Variants in DPP10 observed in about 807,000 individuals in gnomAD.
DPP10 encodes the protein dipeptidyl peptidase like 10, also known as inactive dipeptidyl peptidase 10.
Under a neutral mutation model 120.9 loss-of-function variants are expected in DPP10, and 33 were observed. The ratio of observed to expected loss-of-function variants is 0.27; its 90% confidence interval spans 0.21 to 0.37. The LOEUF (loss-of-function observed/expected upper bound fraction) is 0.37, where lower values mean the gene tolerates loss of function less well. Ranked by LOEUF, DPP10 falls within the 10% of genes least tolerant of loss-of-function variation. The pLI is 1.00. For missense variants in DPP10, 816 were observed against 942.8 expected, an observed-to-expected ratio of 0.87 and a Z score of 1.76; for synonymous variants, 337 against 326.1, an observed-to-expected ratio of 1.03 and a Z score of -0.36.
intron 5 of DPP10, among the ~76,000 whole-genome samples, chr2:115,666,484 T>C (rs542287027): frequency 1.3e-3 from 194 of 152,106 alleles, no homozygotes; most frequent in African/African-American, 4.2e-3. Context: ...CCTTAACACC[T>C]GGGGAATTGC....
At chr2:115,089,488 C>T (rs750428377) in intron 1 of DPP10, among the ~76,000 whole-genome samples, 20 of 152,136 alleles carry the variant, frequency 1.3e-4, no homozygotes, top group Non-Finnish European at 2.2e-4. Flanking sequence ...ACTGAAGTCC[C>T]TTTCTCACTA....
chr2:115,407,613 C>T (rs1182772969), intron 3 of DPP10, among the ~76,000 whole-genome samples: 2 of 151,946 alleles, frequency 1.3e-5, no homozygotes, highest in Non-Finnish European at 2.9e-5. Flanking sequence ...GTGAGGACAG[C>T]TCAAAAACCC....
intron 7 of DPP10, among the ~76,000 whole-genome samples, chr2:115,723,165 C>T (rs984588595): frequency 1.3e-5 from 2 of 152,144 alleles, no homozygotes; most frequent in African/African-American, 2.4e-5. Flanking sequence ...CTAACCACCC[C>T]CAGTAATAAA....
At chr2:114,507,895 A>G (rs1358350371) in intron 1 of DPP10, among the ~76,000 whole-genome samples, 4 of 152,272 alleles carry the variant, frequency 2.6e-5, no homozygotes, top group Non-Finnish European at 4.4e-5. Flanking sequence ...TGTTTTTATT[A>G]GTGGTAATCA....
At chr2:115,532,344 T>G (rs963270535) in intron 5 of DPP10, among the ~76,000 whole-genome samples, 1 of 152,020 alleles carries the variant, frequency 6.6e-6, no homozygotes, top group Admixed American at 6.6e-5. Context: ...GGGAGTGAAT[T>G]TTTTTTCTTA....
At chr2:115,746,035 A>C in intron 9 of DPP10, 51 bp from the exon 10 acceptor site, 2 of 1,315,622 alleles carry the variant, frequency 1.5e-6, no homozygotes, top group Non-Finnish European at 2.1e-6. Context: ...TTTTTACCCA[A>C]TATATTCTAA....
At chr2:115,499,425 G>A (rs1037960145) in intron 3 of DPP10, 85 bp from the exon 4 acceptor site, 20 of 1,070,746 alleles carry the variant, frequency 1.9e-5, no homozygotes, top group Admixed American at 6.6e-5. Flanking sequence ...TAATGTGTCT[G>A]TTTATTTTGC....
rs146930779 is a variant in DPP10, at chr2:115,078,814, A to ATAATT, written c.61-230422_61-230421insTTTAA. Among the ~76,000 whole-genome samples the ATAATT allele has an allele frequency of 4.5e-4, 68 of 151,836 alleles. 1 individual carries two copies. Among genetic ancestry groups the ATAATT allele is most frequent in the African/African-American group, 1.0e-3 (42 of 41,354 alleles). ...TTAAAGACATATTTAAGTATCACAGATAAATTACTCAAGTTATCAGTTAAA... is the reference window on the plus strand; with the variant it reads ...TTAAAGACATATTTAAGTATCACAGATAATTTAAATTACTCAAGTTATCAGTTAAA... On this transcript the variant is annotated intron_variant, in intron 1 of 25. Coordinates refer to ENST00000410059, the MANE Select transcript of DPP10 (RefSeq NM_020868.6).
chr2:115,053,828 T>C (rs1705693680), intron 1 of DPP10, among the ~76,000 whole-genome samples: 1 of 152,208 alleles, frequency 6.6e-6, no homozygotes, highest in Non-Finnish European at 1.5e-5. Flanking sequence ...TAGAGTCTAG[T>C]ACAGTACATT....
intron 1 of DPP10, among the ~76,000 whole-genome samples, chr2:114,648,655 G>A (rs1044216003): frequency 1.3e-4 from 20 of 152,156 alleles, no homozygotes; most frequent in African/African-American, 4.6e-4. Context: ...GGATTCAGTC[G>A]TTGTATCTAA....
intron 1 of DPP10, among the ~76,000 whole-genome samples, chr2:114,717,091 C>G (rs749976383): frequency 1.8e-4 from 27 of 152,158 alleles, no homozygotes; most frequent in Non-Finnish European, 4.0e-4. Context: ...ATTTTCCTGG[C>G]AGAACCACAG....
At chr2:115,272,069 A>G (rs959703400) in intron 1 of DPP10, among the ~76,000 whole-genome samples, 2 of 152,134 alleles carry the variant, frequency 1.3e-5, no homozygotes, top group Admixed American at 6.6e-5. Flanking sequence ...AATGTGTTTT[A>G]TAAACACTTA....
intron 5 of DPP10, among the ~76,000 whole-genome samples, chr2:115,567,364 G>A (rs2081067192): frequency 6.6e-6 from 1 of 151,898 alleles, no homozygotes; most frequent in African/African-American, 2.4e-5. Context: ...AGACTCCTTA[G>A]TTTATCTTTC....
intron 1 of DPP10, among the ~76,000 whole-genome samples, chr2:115,141,812 C>T (rs2104844470): frequency 6.6e-6 from 1 of 152,174 alleles, no homozygotes; most frequent in Non-Finnish European, 1.5e-5. Context: ...CTCGCTCTGT[C>T]ACCCAGGCTG....
chr2:115,801,644 C>T (rs749016689), intron 19 of DPP10, among the ~76,000 whole-genome samples: 3 of 151,964 alleles, frequency 2.0e-5, no homozygotes, highest in East Asian at 1.9e-4. Context: ...TAGCATGAAG[C>T]GCTAGTGAAT....
intron 1 of DPP10, among the ~76,000 whole-genome samples, chr2:114,478,672 A>T (rs931344488): frequency 1.3e-5 from 2 of 152,114 alleles, no homozygotes; most frequent in African/African-American, 4.8e-5. Flanking sequence ...ATAATTACAT[A>T]GAAAATCTGG....
At chr2:114,948,431 A>C (rs1030504571) in intron 1 of DPP10, among the ~76,000 whole-genome samples, 1 of 152,096 alleles carries the variant, frequency 6.6e-6, no homozygotes, top group Admixed American at 6.6e-5. Flanking sequence ...AATCCTGCTC[A>C]TCAGCTGTCT....
intron 5 of DPP10, among the ~76,000 whole-genome samples, chr2:115,600,870 A>G (rs1169380577): frequency 6.6e-6 from 1 of 152,228 alleles, no homozygotes; most frequent in Non-Finnish European, 1.5e-5. Context: ...ACTGCTGTTG[A>G]AAAATTGCTG....
intron 5 of DPP10, among the ~76,000 whole-genome samples, chr2:115,526,695 C>T (rs767347868): frequency 6.6e-6 from 1 of 152,054 alleles, no homozygotes; most frequent in Non-Finnish European, 1.5e-5. Context: ...CGTTTATGAG[C>T]TTTAAGACGA....
Sources: allele counts gnomAD v4.1 joint callset (sites outside exome capture counted in the v4.1 genomes callset), GRCh38; gene constraint gnomAD v4.1.1; transcripts MANE v1.5; gene names NCBI Gene and HGNC (gene_info 2026-07-23, HGNC 2026-07-21).